Variants in RORB observed in about 807,000 individuals in gnomAD.
The protein encoded by RORB is nuclear receptor ROR-beta.
RORB carries 6 observed loss-of-function variants against 59.1 expected under a neutral mutation model. The observed-to-expected ratio is 0.10, with a 90% CI of 0.06 to 0.20. RORB has a LOEUF of 0.20. Among genes scored for constraint, RORB ranks in the 10% least tolerant of loss-of-function variants. The pLI, the probability that RORB is intolerant of heterozygous loss-of-function variation, is 1.00. For missense variants in RORB, 320 were observed against 560.5 expected (o/e 0.57, Z 4.33); for synonymous variants, 215 against 204.5 (o/e 1.05, Z -0.44).
chr9:74,561,076 A>G (rs1353572016), intron 1 of RORB, among the ~76,000 whole-genome samples: 4 of 152,108 alleles, frequency 2.6e-5, no homozygotes, highest in Non-Finnish European at 5.9e-5. Context: ...ATTCTTCTTT[A>G]AGAGAGTAAG....
intron 1 of RORB, among the ~76,000 whole-genome samples, chr9:74,604,125 T>C (rs1368411306): frequency 6.6e-6 from 1 of 152,242 alleles, no homozygotes; most frequent in Non-Finnish European, 1.5e-5. Flanking sequence ...TCTAAACTAA[T>C]GATCTAGAAT....
intron 1 of RORB, among the ~76,000 whole-genome samples, chr9:74,570,717 G>A (rs1034068596): frequency 7.8e-6 from 1 of 128,278 alleles, no homozygotes; most frequent in African/African-American, 2.6e-5. Context: ...TTATGAATTT[G>A]TGTGTGCACA....
intron 1 of RORB, among the ~76,000 whole-genome samples, chr9:74,593,543 G>A (rs866175836): frequency 2.6e-5 from 4 of 151,144 alleles, no homozygotes; most frequent in Non-Finnish European, 4.4e-5. Context: ...CATTCCTAAA[G>A]CTTATCACTC....
chr9:74,622,723 C>A (rs1200329622), intron 1 of RORB, among the ~76,000 whole-genome samples: 1 of 151,768 alleles, frequency 6.6e-6, no homozygotes, highest in East Asian at 1.9e-4. Flanking sequence ...GACAGGGTTT[C>A]ACCATGTTGG....
chr9:74,651,691 C>T (rs1030614049), intron 4 of RORB, among the ~76,000 whole-genome samples: 1 of 152,106 alleles, frequency 6.6e-6, no homozygotes, highest in Admixed American at 6.6e-5. Context: ...AAGCGACTTC[C>T]CCAAAAGCAC....
intron 1 of RORB, among the ~76,000 whole-genome samples, chr9:74,601,778 C>T (rs908626302): frequency 7.2e-5 from 11 of 152,134 alleles, no homozygotes; most frequent in Non-Finnish European, 1.3e-4. Flanking sequence ...GGCACTTTCC[C>T]TCCAAATTCC....
intron 8 of RORB, among the ~76,000 whole-genome samples, chr9:74,668,704 TA>T (rs1824305057): frequency 6.6e-6 from 1 of 152,134 alleles, no homozygotes; most frequent in Admixed American, 6.5e-5. Context: ...TGGATCATCA[TA>T]AAGGTCTTCA....
intron 1 of RORB, among the ~76,000 whole-genome samples, chr9:74,539,303 T>C (rs910913593): frequency 1.3e-5 from 2 of 152,188 alleles, no homozygotes; most frequent in Non-Finnish European, 2.9e-5. Flanking sequence ...TAAGATTTCA[T>C]TTAGATGTTG....
chr9:74,549,169 G>C, intron 1 of RORB, among the ~76,000 whole-genome samples: 1 of 152,158 alleles, frequency 6.6e-6, no homozygotes, highest in East Asian at 1.9e-4. Context: ...TTGTCAGCCG[G>C]CTGCAGTGGC....
At chr9:74,595,818 T>C (rs1261861396) in intron 1 of RORB, among the ~76,000 whole-genome samples, 1 of 151,636 alleles carries the variant, frequency 6.6e-6, no homozygotes, top group Non-Finnish European at 1.5e-5. Context: ...GGAGCTGGAG[T>C]TTTTTGGGGT....
rs1019011731 is a variant in RORB at position 74,671,877 on chromosome 9, C to T, written c.1200C>T (p.His400=). 2.5e-6 allele frequency: 4 copies of T among 1,609,040 alleles called. No homozygotes were observed. The highest frequency in any genetic ancestry group is 3.4e-6 in the Non-Finnish European group (4 of 1,176,722). ...FALQHVIQKN[H]LDDETLAKLI... Reference sequence around the variant, plus strand: ...TTCAACATGTGATTCAGAAGAATCACCTGGATGATGAGACCTTGGCAAAGG... The same window carrying T: ...TTCAACATGTGATTCAGAAGAATCATCTGGATGATGAGACCTTGGCAAAGG... The change falls in exon 9 of 10, where the codon CAC becomes CAT. Residue 400 remains histidine, a synonymous_variant. Coordinates refer to ENST00000376896, the MANE Select transcript of RORB (RefSeq NM_006914.4).
intron 1 of RORB, among the ~76,000 whole-genome samples, chr9:74,543,798 A>C (rs1269966213): frequency 6.6e-6 from 1 of 152,022 alleles, no homozygotes; most frequent in Admixed American, 6.5e-5. Flanking sequence ...TTTTCTTTGT[A>C]GTAATGCAAA....
chr9:74,547,712 G>A (rs1826522755), intron 1 of RORB, among the ~76,000 whole-genome samples: 1 of 152,178 alleles, frequency 6.6e-6, no homozygotes, highest in South Asian at 2.1e-4. Flanking sequence ...GTGAGAAGAT[G>A]AGGTCACAGA....
chr9:74,668,786 G>C (rs1275477577), intron 8 of RORB, among the ~76,000 whole-genome samples: 1 of 152,044 alleles, frequency 6.6e-6, no homozygotes, highest in African/African-American at 2.4e-5. Context: ...GCAGTCCCAG[G>C]GTGGCAGAAA....
intron 1 of RORB, among the ~76,000 whole-genome samples, chr9:74,610,000 T>TA (rs1823210053): frequency 6.6e-6 from 1 of 152,258 alleles, no homozygotes; most frequent in East Asian, 1.9e-4. Flanking sequence ...AACCCTGCTC[T>TA]AGAACCTGCC....
At chr9:74,652,481 A>C (rs1454331973) in intron 4 of RORB, among the ~76,000 whole-genome samples, 1 of 152,240 alleles carries the variant, frequency 6.6e-6, no homozygotes, top group Non-Finnish European at 1.5e-5. Flanking sequence ...TAATCTATTC[A>C]TTCAATCTTT....
chr9:74,646,871 G>A (rs1397616297), intron 4 of RORB, among the ~76,000 whole-genome samples: 3 of 152,110 alleles, frequency 2.0e-5, no homozygotes, highest in Non-Finnish European at 2.9e-5. Flanking sequence ...CGTTCTGGGC[G>A]GGATGCTACC....
At position 74,642,709 on chromosome 9, in the gene RORB, G is replaced by C; in HGVS notation, c.531G>C (p.Gln177His). ...QSGLDMTGIKQIKQEPIYDLT... is the reference protein window; with the variant it reads ...QSGLDMTGIKHIKQEPIYDLT... ...GACTTGACATGACTGGAATCAAACA[G>C]ATAAAGCAAGAACCTATCTATGACC... The change falls in exon 4 of 10, where the codon CAG becomes CAC. Residue 177 changes from glutamine (Q) to histidine (H), a missense_variant. Physicochemically the swap from Gln to His is conservative, Grantham distance 24 (BLOSUM62 0). This residue lies in a region of RORB where 134 missense variants were observed against 156.2 expected (regional missense o/e 0.86). Coordinates refer to ENST00000376896, the MANE Select transcript of RORB (RefSeq NM_006914.4). 1.2e-6 allele frequency: 2 copies of C among 1,614,198 alleles called. No individual in the cohort carries two copies. Among genetic ancestry groups the C allele is most frequent in the Non-Finnish European group, 1.7e-6 (2 of 1,180,040 alleles).
At chr9:74,615,751 G>T in intron 1 of RORB, 1 of 292,600 alleles carries the variant, frequency 3.4e-6, no homozygotes, top group South Asian at 2.7e-5. Context: ...AGCTAGGTGT[G>T]GGGACAAAAA....
Sources: gnomAD v4.1 joint callset for allele counts (sites outside exome capture counted in the v4.1 genomes callset) on GRCh38, gnomAD v4.1.1 for gene constraint, gnomAD v4.1.1 regional missense constraint, MANE v1.5 for transcripts, NCBI Gene and HGNC (gene_info 2026-07-23, HGNC 2026-07-21) for gene names.